PCDHA1: variants seen among roughly 807,000 people sequenced by gnomAD.
The protein encoded by PCDHA1 is protocadherin alpha-1.
PCDHA1 carries 42 observed loss-of-function variants against 61.3 expected under a neutral mutation model. The observed-to-expected ratio is 0.69, with a 90% confidence interval of 0.54 to 0.89. The LOEUF is 0.89. Ranked by LOEUF, PCDHA1 falls within the 40% of genes least tolerant of loss-of-function variation. The pLI is 0.00. For missense variants in PCDHA1, 1,256 were observed against 1,235.3 expected (o/e 1.02, Z -0.25); for synonymous variants, 610 against 553.8 (o/e 1.10, Z -1.43).
chr5:140,831,902 G>A (rs1771755236), intron 1 of PCDHA1, among the ~76,000 whole-genome samples: 1 of 152,130 alleles, frequency 6.6e-6, no homozygotes, highest in Admixed American at 6.6e-5. Flanking sequence ...TTGCCAAATA[G>A]CAAGTGCTTA....
chr5:140,883,905 G>A (rs781818160), intron 1 of PCDHA1: 2 of 1,613,458 alleles, frequency 1.2e-6, no homozygotes, highest in Non-Finnish European at 1.7e-6. Flanking sequence ...CCGCCTCTGG[G>A]CAGCAACGTG....
intron 1 of PCDHA1, among the ~76,000 whole-genome samples, chr5:140,894,197 A>G (rs1378272032): frequency 6.6e-6 from 1 of 152,008 alleles, no homozygotes; most frequent in Admixed American, 6.6e-5. Context: ...TATTTTTTCT[A>G]TGCTATTATA....
chr5:140,841,285 T>G (rs2150312602), intron 1 of PCDHA1: 2 of 1,550,288 alleles, frequency 1.3e-6, no homozygotes, highest in East Asian at 2.3e-5. Context: ...ATCTTTATAT[T>G]AAGATAATAT....
intron 1 of PCDHA1, among the ~76,000 whole-genome samples, chr5:140,840,609 G>A (rs1554137827): frequency 1.3e-5 from 2 of 151,994 alleles, no homozygotes; most frequent in Admixed American, 1.3e-4. Context: ...TAAGTGAGAG[G>A]CTGAATTTAA....
chr5:140,876,106 C>G, intron 1 of PCDHA1: 1 of 1,613,942 alleles, frequency 6.2e-7, no homozygotes, highest in Admixed American at 1.7e-5. Context: ...CAATTTATTG[C>G]TGATGGTAAT....
intron 1 of PCDHA1, among the ~76,000 whole-genome samples, chr5:140,975,683 G>A (rs1226769029): frequency 2.0e-5 from 3 of 151,934 alleles, no homozygotes; most frequent in Non-Finnish European, 2.9e-5. Context: ...AATAAAATAG[G>A]GTATTTTAAA....
chr5:140,848,620 G>A lies in PCDHA1; in HGVS notation c.2394+59936G>A, dbSNP rs149227021. 3.5e-4 allele frequency: 562 copies of A among 1,593,402 alleles called. 59 individuals are homozygous for A. Among genetic ancestry groups the A allele is most frequent in the Non-Finnish European group, 4.4e-4 (511 of 1,163,966 alleles). On this transcript the variant is annotated intron_variant, in intron 1 of 3. Coordinates refer to ENST00000504120, the MANE Select transcript of PCDHA1 (RefSeq NM_018900.4). Reference sequence around the variant, plus strand: ...TCCGTCCCGGAGGAAGCCGAACACGGCACCTTCGTGGGCCGCATCGCGCAG... The same window carrying A: ...TCCGTCCCGGAGGAAGCCGAACACGACACCTTCGTGGGCCGCATCGCGCAG...
intron 1 of PCDHA1, among the ~76,000 whole-genome samples, chr5:140,905,582 A>C (rs1281901890): frequency 1.3e-5 from 2 of 152,068 alleles, no homozygotes; most frequent in South Asian, 2.1e-4. Flanking sequence ...AATGATAATG[A>C]TATTTTGCTG....
chr5:140,835,722 G>T, intron 1 of PCDHA1: 1 of 1,613,846 alleles, frequency 6.2e-7, no homozygotes. Context: ...GGAGGTGGCC[G>T]ACGTGAACGA....
At chr5:140,895,912 A>G (rs1215168324) in intron 1 of PCDHA1, among the ~76,000 whole-genome samples, 1 of 152,146 alleles carries the variant, frequency 6.6e-6, no homozygotes, top group African/African-American at 2.4e-5. Context: ...CCCGGGCTCA[A>G]CAATTATCCT....
intron 1 of PCDHA1, chr5:140,852,963 C>A: frequency 2.4e-6 from 1 of 424,740 alleles, no homozygotes; most frequent in Non-Finnish European, 3.3e-6. Context: ...ACTCCAAGCT[C>A]CCCCTCCCGT....
chr5:140,869,344 A>C (rs540952410), intron 1 of PCDHA1: 1 of 1,613,872 alleles, frequency 6.2e-7, no homozygotes, highest in Non-Finnish European at 8.5e-7. Flanking sequence ...AAATCTGCAG[A>C]ATGGCATTTT....
At chr5:140,812,546 C>T (rs149725970) in intron 1 of PCDHA1, 1 of 151,688 alleles carries the variant, frequency 6.6e-6, no homozygotes, top group East Asian at 1.9e-4. Context: ...TTTCTAGTTC[C>T]TTGAGTTGTT....
At chr5:140,980,607 C>T (rs1471918192) in intron 2 of PCDHA1, among the ~76,000 whole-genome samples, 5 of 151,334 alleles carry the variant, frequency 3.3e-5, no homozygotes, top group Non-Finnish European at 7.4e-5. Context: ...TCCAGCCTGG[C>T]GACAGTGCGA....
chr5:140,803,225 C>T, intron 1 of PCDHA1: 1 of 1,613,852 alleles, frequency 6.2e-7, no homozygotes, highest in Non-Finnish European at 8.5e-7. Context: ...GCCAGGCACC[C>T]AAGGCCTCGT....
chr5:140,806,323 A>G (rs1281817199), intron 1 of PCDHA1, among the ~76,000 whole-genome samples: 2 of 152,238 alleles, frequency 1.3e-5, no homozygotes, highest in South Asian at 4.1e-4. Flanking sequence ...TAGGCACATT[A>G]CATACTGGAG....
chr5:140,922,101 G>A (rs531054386), intron 1 of PCDHA1, among the ~76,000 whole-genome samples: 1 of 152,086 alleles, frequency 6.6e-6, no homozygotes, highest in Admixed American at 6.5e-5. Context: ...ACCAACTATA[G>A]ATAAATGAAA....
At chr5:140,801,276 G>C (rs1554121348) in intron 1 of PCDHA1, 1 of 1,613,640 alleles carries the variant, frequency 6.2e-7, no homozygotes, top group East Asian at 2.2e-5. Context: ...CTCGGAGGTG[G>C]GGAGCGGCCA....
In PCDHA1 at chr5:140,876,048, T is replaced by A. The variant is rs376201695; in HGVS notation, c.2394+87364T>A. 5 of 1,613,812 alleles carry A rather than the reference T, an allele frequency of 3.1e-6. No individual in the cohort carries two copies. In the African/African-American group the frequency reaches 5.3e-5, roughly 17 times the overall value. On this transcript the variant is annotated intron_variant, in intron 1 of 3. Transcript: ENST00000504120. ...CAAAAAAAGATAAAAGTATATTGCC[T>A]GAATTAGTTCTTCGGAAGTTATTGG...
Sources: allele counts gnomAD v4.1 joint callset (sites outside exome capture counted in the v4.1 genomes callset), GRCh38; gene constraint gnomAD v4.1.1; transcripts MANE v1.5; gene names NCBI Gene and HGNC (gene_info 2026-07-23, HGNC 2026-07-21).